The following ZGPAT variants were observed in gnomAD, a reference collection of about 807,000 sequenced individuals.
The protein encoded by ZGPAT is zinc finger CCCH-type and G-patch domain containing, also known as zinc finger CCCH-type with G patch domain-containing protein.
ZGPAT carries 39 observed loss-of-function variants against 47.9 expected under a neutral mutation model. The observed-to-expected ratio is 0.81, with a 90% CI of 0.63 to 1.06. ZGPAT has a LOEUF of 1.06. Among genes scored for constraint, ZGPAT ranks in the 50% least tolerant of loss-of-function variants. The pLI, the probability that ZGPAT is intolerant of heterozygous loss-of-function variation, is 0.00. For missense variants in ZGPAT, 717 were observed against 681.4 expected (o/e 1.05, Z -0.58); for synonymous variants, 348 against 292.9 (o/e 1.19, Z -1.92).
intron 2 of ZGPAT, among the ~76,000 whole-genome samples, chr20:63,712,396 C>T (rs187882942): frequency 5.3e-4 from 80 of 152,294 alleles, no homozygotes; most frequent in African/African-American, 1.9e-3. Flanking sequence ...ATTATTATAG[C>T]TTTGTGATAA....
At chr20:63,721,786 C>T (rs1267740858) in intron 2 of ZGPAT, among the ~76,000 whole-genome samples, 5 of 152,018 alleles carry the variant, frequency 3.3e-5, no homozygotes, top group Admixed American at 6.6e-5. Flanking sequence ...GAGGCCGAGG[C>T]GGGTGAATTG....
intron 2 of ZGPAT, among the ~76,000 whole-genome samples, chr20:63,719,065 C>A (rs1387961393): frequency 1.0e-3 from 151 of 146,278 alleles, no homozygotes; most frequent in South Asian, 1.5e-3. Context: ...GACTCCATCT[C>A]AAAAAAAAAA....
chr20:63,734,019 C>A (rs1275933919), intron 4 of ZGPAT: 3 of 441,986 alleles, frequency 6.8e-6, no homozygotes, highest in Admixed American at 4.1e-5. Context: ...CCGAGGAAGT[C>A]ACAGAAAATG....
At chr20:63,735,741 T>C in intron 6 of ZGPAT, 40 bp from the exon 7 acceptor site, 2 of 1,562,310 alleles carry the variant, frequency 1.3e-6, no homozygotes, top group Admixed American at 1.9e-5. Flanking sequence ...GTTGGTGGCA[T>C]GGCCCAGGAC....
chr20:63,716,705 C>T (rs766200240), intron 2 of ZGPAT, among the ~76,000 whole-genome samples: 15 of 150,884 alleles, frequency 9.9e-5, no homozygotes, highest in Admixed American at 6.6e-4. Context: ...GTTTTTGAGA[C>T]GGAGTCTGTT....
chr20:63,709,786 C>T (rs574023392), intron 2 of ZGPAT, among the ~76,000 whole-genome samples: 1 of 152,156 alleles, frequency 6.6e-6, no homozygotes, highest in South Asian at 2.1e-4. Flanking sequence ...TCAACCGATC[C>T]TCCTGCCTCA....
chr20:63,730,952 CTCTCTCTCTCTCTCTCTCTGTG>C (rs1179231487), intron 2 of ZGPAT, among the ~76,000 whole-genome samples: 10 of 145,638 alleles, frequency 6.9e-5, no homozygotes, highest in African/African-American at 2.5e-4. Flanking sequence ...CTCTCTCTCT[CTCTCTCTCTCTCTCTCTCTGTG>C]TGTGTGTGTG....
At chr20:63,709,270 T>A in intron 2 of ZGPAT, 106 bp downstream of exon 2, 1 of 1,277,616 alleles carries the variant, frequency 7.8e-7, no homozygotes, top group African/African-American at 1.5e-5. Context: ...TGTCTCAGCT[T>A]CCTGGGGCAG....
At chr20:63,716,440 G>C (rs1018161604) in intron 2 of ZGPAT, among the ~76,000 whole-genome samples, 5 of 151,580 alleles carry the variant, frequency 3.3e-5, no homozygotes, top group African/African-American at 1.2e-4. Flanking sequence ...TATAGCCCTA[G>C]TTATTTCTGT....
chr20:63,730,671 G>T (rs2091888167), intron 2 of ZGPAT, among the ~76,000 whole-genome samples: 1 of 152,108 alleles, frequency 6.6e-6, no homozygotes, highest in Non-Finnish European at 1.5e-5. Flanking sequence ...TTTTAGTAGA[G>T]ACGGGTTTCT....
chr20:63,714,132 G>A (rs2091701234), intron 2 of ZGPAT, among the ~76,000 whole-genome samples: 1 of 151,908 alleles, frequency 6.6e-6, no homozygotes. Flanking sequence ...TTGAATAAAA[G>A]TGACTAGAGC....
chr20:63,711,880 C>G (rs1463424570), intron 2 of ZGPAT, among the ~76,000 whole-genome samples: 1 of 152,218 alleles, frequency 6.6e-6, no homozygotes, highest in African/African-American at 2.4e-5. Context: ...CCACCACACC[C>G]GGCCCAGGAT....
chr20:63,731,296 CTGTGTG>C (rs34963409), intron 2 of ZGPAT, among the ~76,000 whole-genome samples: 4 of 151,246 alleles, frequency 2.6e-5, no homozygotes, highest in Non-Finnish European at 4.4e-5. Context: ...GTGTGTGAGA[CTGTGTG>C]TGTGTGTGCA....
intron 2 of ZGPAT, among the ~76,000 whole-genome samples, chr20:63,729,052 G>A: frequency 7.1e-6 from 1 of 140,004 alleles, no homozygotes; most frequent in East Asian, 2.0e-4. Flanking sequence ...TTTTTTTTGA[G>A]ATGGAGTCTC....
chr20:63,732,984 CTG>C (rs1013627569), intron 2 of ZGPAT, among the ~76,000 whole-genome samples: 76 of 149,972 alleles, frequency 5.1e-4, no homozygotes, highest in African/African-American at 1.5e-3. Context: ...GCATGTGTAT[CTG>C]TATGTGCGTG....
chr20:63,735,600 C>G lies in ZGPAT; in HGVS notation c.1397+36C>G, dbSNP rs1390250201. ...GGCCCAGCTCAGGGCAAAGGGCGAC[C>G]CAGGGTGGCCCTGCCCCCGGGATAC... On this transcript the variant is annotated intron_variant, in intron 6 of 6. Coordinates refer to ENST00000355969, the MANE Select transcript of ZGPAT (RefSeq NM_181485.3). 6 of 1,507,106 alleles carry G rather than the reference C, an allele frequency of 4.0e-6. No homozygotes were observed. In the Admixed American group the frequency reaches 6.8e-5, roughly 17 times the overall value. The allele number at this position is 1,507,106 out of a possible 1,614,324, so 93.4% of individuals were successfully genotyped here. A position where few individuals can be genotyped will look rare whatever the true frequency, so the allele number is the denominator to read the frequency against.
Position 63,734,729 on chromosome 20 carries a change from C to T in ZGPAT, c.896C>T (p.Ser299Phe). The T allele has an allele frequency of 3.1e-6, 5 of 1,614,060 alleles. No homozygotes were observed. Among genetic ancestry groups the T allele is most frequent in the Non-Finnish European group, 4.2e-6 (5 of 1,179,960 alleles). Residue 299 changes from serine to phenylalanine, a missense_variant, in exon 5 of 7, where the codon TCT (serine) becomes TTT (phenylalanine). Coordinates refer to ENST00000355969, the MANE Select transcript of ZGPAT (RefSeq NM_181485.3). The part of the protein sequence containing the change: ...ARVVGSDAVD[S>F]GTCSSAFAGW... ...GTGGTGGGGTCAGATGCTGTGGACT[C>T]TGGGACCTGCAGCTCTGCCTTTGCT...
intron 2 of ZGPAT, among the ~76,000 whole-genome samples, chr20:63,731,222 C>G (rs181485655): frequency 1.5e-4 from 23 of 152,244 alleles, no homozygotes; most frequent in Non-Finnish European, 2.5e-4. Context: ...ATGGGACACA[C>G]GGGGCATATT....
chr20:63,708,040 C>T lies in ZGPAT; in HGVS notation c.-107C>T, dbSNP rs2145621028. The T allele has an allele frequency of 6.6e-6, 1 of 152,126 alleles. No individual in the cohort carries two copies. Among genetic ancestry groups the T allele is most frequent in the South Asian group, 2.1e-4 (1 of 4,828 alleles). The allele number at this position is 152,126 out of a possible 1,614,324, so 9.4% of individuals were successfully genotyped here. The stretch of plus-strand genomic sequence containing the variant: ...CCCGGCTGCCCCCGCGCGCCAAGCA[C>T]TTCCGGAAGCGGCGGCGCTCGGGAG... On this transcript the variant is annotated 5_prime_UTR_variant, in exon 1 of 7. Coordinates refer to ENST00000355969, the MANE Select transcript of ZGPAT (RefSeq NM_181485.3).
Sources: gnomAD v4.1 joint callset for allele counts (sites outside exome capture counted in the v4.1 genomes callset) on GRCh38, gnomAD v4.1.1 for gene constraint, MANE v1.5 for transcripts, NCBI Gene and HGNC (gene_info 2026-07-23, HGNC 2026-07-21) for gene names.